The following TMEM132D variants were observed in gnomAD, a reference collection of about 807,000 sequenced individuals.
The protein encoded by TMEM132D is mature OL transmembrane protein.
TMEM132D carries 21 observed loss-of-function variants against 62.3 expected under a neutral mutation model. The ratio of observed to expected loss-of-function variants is 0.34; its 90% CI spans 0.24 to 0.49. The LOEUF is 0.49. Ranked by LOEUF, TMEM132D falls within the 20% of genes least tolerant of loss-of-function variation. The probability of loss-of-function intolerance (pLI) is 0.99; values close to 1 mark genes in which losing one functional copy is unlikely to be tolerated. For missense variants in TMEM132D, 1,346 were observed against 1,402.8 expected, an observed-to-expected ratio of 0.96 and a Z score of 0.65; for synonymous variants, 621 against 575.6, an observed-to-expected ratio of 1.08 and a Z score of -1.13.
rs147867519 is a variant in TMEM132D, at chr12:129,486,707, C to T, written c.1115+44352G>A. Among the ~76,000 whole-genome samples, 747 of 152,256 alleles carry T rather than the reference C, an allele frequency of 4.9e-3. 9 individuals are homozygous for T. Among genetic ancestry groups the T allele is most frequent in the African/African-American group, 0.017 (716 of 41,546 alleles). On this transcript the variant is annotated intron_variant, in intron 3 of 8. Coordinates refer to ENST00000422113, the MANE Select transcript of TMEM132D (RefSeq NM_133448.3). ...CAGCACCATAGAATGAGGTGCTTAC[C>T]TCCATGCCTGTGGTTCTTCTCACTT...
chr12:129,441,433 G>A (rs1215389831), intron 3 of TMEM132D, among the ~76,000 whole-genome samples: 7 of 152,194 alleles, frequency 4.6e-5, no homozygotes, highest in Non-Finnish European at 1.0e-4. Flanking sequence ...CAACAGGCAG[G>A]AGGTGATCCC....
chr12:129,222,338 G>A (rs368840570), intron 4 of TMEM132D, among the ~76,000 whole-genome samples: 50 of 152,152 alleles, frequency 3.3e-4, no homozygotes, highest in African/African-American at 9.9e-4. Context: ...AATGTTACCC[G>A]TCCAAAAGCA....
At chr12:129,419,305 A>C (rs1872226199) in intron 3 of TMEM132D, among the ~76,000 whole-genome samples, 1 of 152,104 alleles carries the variant, frequency 6.6e-6, no homozygotes, top group Non-Finnish European at 1.5e-5. Flanking sequence ...CAGAAACGGG[A>C]ATGTGACCAG....
chr12:129,760,319 C>CTTTTTTTTTTTTT (rs1565976278), intron 1 of TMEM132D, among the ~76,000 whole-genome samples: 1 of 95,698 alleles, frequency 1.0e-5, no homozygotes, highest in African/African-American at 3.5e-5. Context: ...ATGTAAGCCA[C>CTTTTTTTTTTTTT]TTTCTTTTTT....
chr12:129,432,729 G>A (rs1170887436), intron 3 of TMEM132D, among the ~76,000 whole-genome samples: 1 of 152,222 alleles, frequency 6.6e-6, no homozygotes, highest in Non-Finnish European at 1.5e-5. Flanking sequence ...AAAGAAATGT[G>A]TGTTAATTCT....
rs265609 is a variant in TMEM132D at position 129,636,284 on chromosome 12, T to C, written c.968+63526A>G. Among the ~76,000 whole-genome samples, 581 of 152,304 alleles carry C rather than the reference T, an allele frequency of 3.8e-3. 5 individuals are homozygous for C. Among genetic ancestry groups the C allele is most frequent in the African/African-American group, 0.013 (543 of 41,578 alleles). ...ACAGATTTGCAGGGACATTTCAAAATACATCAAAAAAATCTATTTTGGGTA... is the reference window on the plus strand; with the variant it reads ...ACAGATTTGCAGGGACATTTCAAAACACATCAAAAAAATCTATTTTGGGTA... On this transcript the variant is annotated intron_variant, in intron 2 of 8. Transcript: ENST00000422113.
chr12:129,704,191 A>G (rs1881449375), intron 1 of TMEM132D, among the ~76,000 whole-genome samples: 1 of 152,234 alleles, frequency 6.6e-6, no homozygotes, highest in Non-Finnish European at 1.5e-5. Context: ...CTTGTGTTTT[A>G]TTTCCCAAAT....
Position 129,318,468 on chromosome 12 carries a change from G to A in TMEM132D, c.1299+19166C>T, listed in dbSNP as rs143250390. 4.5e-3 allele frequency among the ~76,000 whole-genome samples: 689 copies of A among 152,234 alleles called. 8 individuals carry two copies. The highest frequency in any genetic ancestry group is 0.016 in the African/African-American group (664 of 41,552). Reference sequence around the variant, plus strand: ...CTGGCTCCGGGCTGGTACTGGGGGTGGTCTGCATAGAGTCCTGTGATGTGA... The same window carrying A: ...CTGGCTCCGGGCTGGTACTGGGGGTAGTCTGCATAGAGTCCTGTGATGTGA... On this transcript the variant is annotated intron_variant, in intron 4 of 8. Coordinates refer to ENST00000422113, the MANE Select transcript of TMEM132D (RefSeq NM_133448.3).
At chr12:129,146,077 T>G (rs1208655059) in intron 5 of TMEM132D, among the ~76,000 whole-genome samples, 2 of 30,536 alleles carry the variant, frequency 6.5e-5, no homozygotes, top group African/African-American at 6.5e-4. Context: ...CATACTGATC[T>G]TTTTTTTTTT....
intron 2 of TMEM132D, among the ~76,000 whole-genome samples, chr12:129,567,012 T>C (rs79254935): frequency 1.9e-3 from 284 of 152,356 alleles, no homozygotes; most frequent in African/African-American, 6.6e-3. Context: ...ACTGACGTCA[T>C]GTCTCCCTAA....
Position 129,901,218 on chromosome 12 carries a change from A to G in TMEM132D, c.79+2043T>C, listed in dbSNP as rs150739837. On this transcript the variant is annotated intron_variant, in intron 1 of 8. Transcript: ENST00000422113. ...ACTTTCAATTAAAATCCTTTTCAATATAGTCCATACTTGATTGCAAGATGG... is the reference window on the plus strand; with the variant it reads ...ACTTTCAATTAAAATCCTTTTCAATGTAGTCCATACTTGATTGCAAGATGG... Among the ~76,000 whole-genome samples, 554 of 152,300 alleles carry G rather than the reference A, an allele frequency of 3.6e-3. 4 individuals carry two copies. Among genetic ancestry groups the G allele is most frequent in the African/African-American group, 0.013 (523 of 41,564 alleles).
At chr12:129,156,135 C>T (rs1005986451) in intron 5 of TMEM132D, among the ~76,000 whole-genome samples, 9 of 151,898 alleles carry the variant, frequency 5.9e-5, no homozygotes, top group African/African-American at 2.2e-4. Context: ...CCAACTCACT[C>T]CAAAGAAAAA....
At chr12:129,273,594 G>A (rs1454321400) in intron 4 of TMEM132D, among the ~76,000 whole-genome samples, 3 of 151,836 alleles carry the variant, frequency 2.0e-5, no homozygotes, top group African/African-American at 7.3e-5. Context: ...CCATAACAGA[G>A]AACGAAATCA....
At chr12:129,721,769 G>A (rs1868841489) in intron 1 of TMEM132D, among the ~76,000 whole-genome samples, 1 of 152,124 alleles carries the variant, frequency 6.6e-6, no homozygotes, top group Non-Finnish European at 1.5e-5. Context: ...TCACCCATGG[G>A]CCTAATCCCA....
chr12:129,796,993 C>A (rs188228226), intron 1 of TMEM132D, among the ~76,000 whole-genome samples: 2 of 152,340 alleles, frequency 1.3e-5, no homozygotes, highest in East Asian at 3.9e-4. Context: ...ATTAGCTAGG[C>A]ATCTTTTAAC....
chr12:129,555,270 C>T (rs1249675924), intron 2 of TMEM132D, among the ~76,000 whole-genome samples: 1 of 152,172 alleles, frequency 6.6e-6, no homozygotes, highest in Non-Finnish European at 1.5e-5. Flanking sequence ...ATGTACTTAG[C>T]CTACAACAGA....
chr12:129,557,458 T>C (rs540732628), intron 2 of TMEM132D, among the ~76,000 whole-genome samples: 3 of 152,316 alleles, frequency 2.0e-5, no homozygotes, highest in Non-Finnish European at 1.5e-5. Context: ...CTCACACCTG[T>C]AATCCCAACA....
At chr12:129,742,337 A>T (rs1365218308) in intron 1 of TMEM132D, among the ~76,000 whole-genome samples, 2 of 152,156 alleles carry the variant, frequency 1.3e-5, no homozygotes, top group African/African-American at 4.8e-5. Context: ...TCATGGTGGA[A>T]GGTGAAGAGG....
At chr12:129,553,125 G>C (rs1013383545) in intron 2 of TMEM132D, among the ~76,000 whole-genome samples, 1 of 152,106 alleles carries the variant, frequency 6.6e-6, no homozygotes, top group Non-Finnish European at 1.5e-5. Flanking sequence ...TTGAGACTCC[G>C]AGAGTGTTGC....
Sources: gnomAD v4.1 joint callset for allele counts (sites outside exome capture counted in the v4.1 genomes callset) on GRCh38, gnomAD v4.1.1 for gene constraint, MANE v1.5 for transcripts, NCBI Gene and HGNC (gene_info 2026-07-23, HGNC 2026-07-21) for gene names.